Variants in HAT1 observed in about 807,000 individuals in gnomAD.
HAT1 encodes histone acetyltransferase type B catalytic subunit.
A neutral mutation model predicts 56.6 loss-of-function variants in HAT1; 20 were observed. That is an observed-to-expected ratio of 0.35 (90% CI 0.25 to 0.51). The LOEUF (loss-of-function observed/expected upper bound fraction) is 0.51, where lower values mean the gene tolerates loss of function less well. HAT1 is among the 20% of genes least tolerant of loss of function. HAT1 has a pLI of 0.95. For synonymous variants in HAT1, 146 were observed against 165.5 expected, an observed-to-expected ratio of 0.88 and a Z score of 0.91; for missense variants, 408 against 504.3, an observed-to-expected ratio of 0.81 and a Z score of 1.83.
intron 10 of HAT1, among the ~76,000 whole-genome samples, chr2:171,981,601 A>C (rs1688134522): frequency 6.6e-6 from 1 of 152,162 alleles, no homozygotes; most frequent in African/African-American, 2.4e-5. Flanking sequence ...AATTCTGTTC[A>C]CATTCTGAAT....
intron 2 of HAT1, among the ~76,000 whole-genome samples, chr2:171,928,607 C>T (rs138279684): frequency 6.6e-6 from 1 of 152,246 alleles, no homozygotes; most frequent in Non-Finnish European, 1.5e-5. Context: ...CTTCTGGGTT[C>T]AAGCGATTCT....
intron 4 of HAT1, among the ~76,000 whole-genome samples, chr2:171,960,493 G>A (rs1438701083): frequency 6.6e-6 from 1 of 152,136 alleles, no homozygotes; most frequent in Non-Finnish European, 1.5e-5. Context: ...CTGCTTAGAA[G>A]TTATTTCTTA....
At chr2:171,926,358 A>G (rs1032941030) in intron 2 of HAT1, among the ~76,000 whole-genome samples, 1 of 152,040 alleles carries the variant, frequency 6.6e-6, no homozygotes, top group Admixed American at 6.6e-5. Context: ...CAATGGCGTG[A>G]TCCTGGCTCA....
At chr2:171,933,641 C>T (rs936707979) in intron 2 of HAT1, among the ~76,000 whole-genome samples, 11 of 152,146 alleles carry the variant, frequency 7.2e-5, no homozygotes, top group Middle Eastern at 3.4e-3. Flanking sequence ...ATTTCCCTTG[C>T]GACTTCTTTT....
chr2:171,929,526 C>T (rs1363372418), intron 2 of HAT1, among the ~76,000 whole-genome samples: 1 of 152,030 alleles, frequency 6.6e-6, no homozygotes, highest in African/African-American at 2.4e-5. Context: ...TGGTTCATGC[C>T]TAATATCTTT....
At chr2:171,931,326 C>G (rs1432792112) in intron 2 of HAT1, among the ~76,000 whole-genome samples, 1 of 152,060 alleles carries the variant, frequency 6.6e-6, no homozygotes, top group African/African-American at 2.4e-5. Flanking sequence ...GAGTTCTAGG[C>G]TGCAGTGAGC....
chr2:171,944,944 T>C (rs1687119495), intron 2 of HAT1, among the ~76,000 whole-genome samples: 4 of 152,180 alleles, frequency 2.6e-5, no homozygotes. Context: ...CAATCTCAGC[T>C]CAATGCAACC....
chr2:171,948,400 T>A (rs1161474948), intron 3 of HAT1, among the ~76,000 whole-genome samples: 1 of 152,154 alleles, frequency 6.6e-6, no homozygotes, highest in Non-Finnish European at 1.5e-5. Context: ...AATTTTTGTA[T>A]TTTTAGTAGA....
chr2:171,974,337 A>G (rs902529012), intron 8 of HAT1, among the ~76,000 whole-genome samples: 2 of 152,016 alleles, frequency 1.3e-5, no homozygotes, highest in Admixed American at 1.3e-4. Context: ...ATGCTGTTGG[A>G]AATGGGATTA....
chr2:171,927,193 A>G (rs1293581744), intron 2 of HAT1, among the ~76,000 whole-genome samples: 2 of 152,256 alleles, frequency 1.3e-5, no homozygotes, highest in Non-Finnish European at 2.9e-5. Flanking sequence ...TTTGAAAGTT[A>G]GATTGTGGCA....
chr2:171,943,819 G>A (rs2105316833), intron 2 of HAT1, among the ~76,000 whole-genome samples: 1 of 149,586 alleles, frequency 6.7e-6, no homozygotes, highest in Admixed American at 6.7e-5. Flanking sequence ...GTAATTTCTG[G>A]TTTCCCTAGT....
At position 171,952,883 on chromosome 2, in the gene HAT1, A is replaced by C. The variant is rs748270316; in HGVS notation, c.191A>C (p.Glu64Ala). ...EYTHQLFGDD[E>A]TAFGYKGLKI... ...TATTGCTATTTTTTCCATTTCAGTG[A>C]AACTGCTTTTGGTTACAAGGGTCTA... Residue 64 changes from glutamate to alanine, a missense_variant and splice_region_variant, in exon 4 of 11, where the codon GAA becomes GCA. Coordinates refer to ENST00000264108, the MANE Select transcript of HAT1 (RefSeq NM_003642.4). 6.3e-7 allele frequency: 1 copy of C among 1,583,412 alleles called. No homozygotes were observed. The highest frequency in any genetic ancestry group is 8.6e-7 in the Non-Finnish European group (1 of 1,164,066).
intron 2 of HAT1, among the ~76,000 whole-genome samples, chr2:171,945,679 A>T (rs529467919): frequency 8.9e-4 from 130 of 146,520 alleles, no homozygotes; most frequent in African/African-American, 2.3e-3. Context: ...TTATTTATTT[A>T]TTTTTTTGAG....
chr2:171,946,602 G>A (rs1403553844), intron 2 of HAT1, 106 bp from the exon 3 acceptor site: 2 of 683,168 alleles, frequency 2.9e-6, no homozygotes, highest in Non-Finnish European at 5.2e-6. Flanking sequence ...TAAGAAAAAT[G>A]TTGGCTGTAT....
At chr2:171,966,116 G>C (rs1687678015) in intron 6 of HAT1, 9 of 589,762 alleles carry the variant, frequency 1.5e-5, no homozygotes, top group Admixed American at 6.3e-5. Flanking sequence ...TTAGGGCCCT[G>C]AATGTAGGCT....
At chr2:171,943,302 T>C (rs1687070755) in intron 2 of HAT1, among the ~76,000 whole-genome samples, 1 of 143,162 alleles carries the variant, frequency 7.0e-6, no homozygotes, top group South Asian at 2.3e-4. Context: ...TCCCAGCTAC[T>C]TGGGAGGCTG....
chr2:171,974,201 G>GAAAAA (rs1323383820), intron 8 of HAT1, among the ~76,000 whole-genome samples: 3 of 83,480 alleles, frequency 3.6e-5, no homozygotes, highest in African/African-American at 3.9e-5. Context: ...AAGAAAAAAA[G>GAAAAA]AAAAAGAAAA....
At chr2:171,927,650 C>T (rs367835729) in intron 2 of HAT1, among the ~76,000 whole-genome samples, 7 of 152,184 alleles carry the variant, frequency 4.6e-5, no homozygotes, top group East Asian at 1.9e-4. Flanking sequence ...TGCAGTGGTG[C>T]GATCTTGGTT....
intron 10 of HAT1, among the ~76,000 whole-genome samples, chr2:171,982,606 C>T (rs1269032755): frequency 6.6e-6 from 1 of 152,104 alleles, no homozygotes; most frequent in Non-Finnish European, 1.5e-5. Flanking sequence ...CTAAGTCAAA[C>T]CAGGAGGGTT....
Sources: gnomAD v4.1 joint callset for allele counts (sites outside exome capture counted in the v4.1 genomes callset) on GRCh38, gnomAD v4.1.1 for gene constraint, MANE v1.5 for transcripts, NCBI Gene and HGNC (gene_info 2026-07-23, HGNC 2026-07-21) for gene names.